ZFR2: variants seen among roughly 807,000 people sequenced by gnomAD.
ZFR2 encodes the protein zinc finger RNA binding protein 2.
ZFR2 carries 104 observed loss-of-function variants against 105.7 expected under a neutral mutation model. The ratio of observed to expected loss-of-function variants is 0.98; its 90% CI spans 0.84 to 1.16. The LOEUF (loss-of-function observed/expected upper bound fraction) is 1.16. Ranked by LOEUF, ZFR2 falls within the 50% of genes most tolerant of loss-of-function variation. The pLI, the probability that ZFR2 is intolerant of heterozygous loss-of-function variation, is 0.00. For missense variants in ZFR2, 1,425 were observed against 1,355.5 expected (o/e 1.05, Z -0.80); for synonymous variants, 634 against 597.7 (o/e 1.06, Z -0.89).
chr19:3,827,787 C>A, intron 5 of ZFR2, 134 bp from the exon 6 acceptor site: 1 of 958,788 alleles, frequency 1.0e-6, no homozygotes, highest in Non-Finnish European at 1.5e-6. Context: ...CCTCCATTCC[C>A]TGGTGCCATG....
In ZFR2 at chr19:3,813,415, T is replaced by C. The variant is rs1229686538; in HGVS notation, c.2242+405A>G. ...CATTCCTAATCAGTGGCACTGGGACTGTGGTGACTGATGGACAGAGTCAAA... is the reference window on the plus strand; with the variant it reads ...CATTCCTAATCAGTGGCACTGGGACCGTGGTGACTGATGGACAGAGTCAAA... On this transcript the variant is annotated intron_variant, in intron 14 of 18. Coordinates refer to ENST00000262961, the MANE Select transcript of ZFR2 (RefSeq NM_015174.2). This position sits in a 1 kb window ranked among gnomAD's most constrained non-coding sequence, Gnocchi z 4.4. Among the ~76,000 whole-genome samples the C allele has an allele frequency of 6.6e-6, 1 of 152,112 alleles. No individual in the cohort carries two copies. The highest frequency in any genetic ancestry group is 1.5e-5 in the Non-Finnish European group (1 of 68,006).
At position 3,862,426 on chromosome 19, in the gene ZFR2, T is replaced by C. The variant is rs1249194159; in HGVS notation, c.53+6539A>G. 2.6e-5 allele frequency among the ~76,000 whole-genome samples: 4 copies of C among 151,986 alleles called. No individual in the cohort carries two copies. In the East Asian group the frequency reaches 7.7e-4, roughly 29 times the overall value. ...GATTCTCCTGCCTCAGCCTCCCGAG[T>C]AGCTGGGACCACAGGCACGTGCCAC... On this transcript the variant is annotated intron_variant, in intron 1 of 18. Transcript: ENST00000262961.
At chr19:3,825,701 C>A (rs1328973090) in intron 6 of ZFR2, among the ~76,000 whole-genome samples, 1 of 152,186 alleles carries the variant, frequency 6.6e-6, no homozygotes, top group Non-Finnish European at 1.5e-5. Context: ...TCCTCCTCCA[C>A]CACGTGGGCT....
In ZFR2 at chr19:3,825,298, G is replaced by A. The variant is rs750191193; in HGVS notation, c.1145C>T (p.Pro382Leu). 8.2e-6 allele frequency: 13 copies of A among 1,577,566 alleles called. No homozygotes were observed. Among genetic ancestry groups the A allele is most frequent in the Middle Eastern group, 2.0e-4 (1 of 5,060 alleles). Residue 382 changes from proline to leucine, a missense_variant, in exon 7 of 19, where the codon CCC (proline) becomes CTC (leucine). Physicochemically the swap from Pro to Leu is moderately conservative, Grantham distance 98. Transcript: ENST00000262961. ...TGGCCTGCTCGAGGCACACACGCTG[G>A]GGCCAGTGGGGGACGTGGGCTTGGC... is the stretch of plus-strand genomic sequence containing the variant. Reference protein sequence around the residue: ...AEAKPTSPTGPSVCASSRPAL... With the variant: ...AEAKPTSPTGLSVCASSRPAL...
At chr19:3,840,643 G>A (rs965966843) in intron 1 of ZFR2, among the ~76,000 whole-genome samples, 3 of 152,102 alleles carry the variant, frequency 2.0e-5, no homozygotes, top group Non-Finnish European at 4.4e-5. Flanking sequence ...TGATCCTCCT[G>A]CCTCAGCTTC....
chr19:3,818,946 G>A, intron 12 of ZFR2, 99 bp downstream of exon 12: 1 of 1,433,802 alleles, frequency 7.0e-7, no homozygotes, highest in Admixed American at 2.5e-5. Flanking sequence ...GACGGCTCCA[G>A]GCCCATCAGA....
intron 9 of ZFR2, 67 bp downstream of exon 9, chr19:3,822,014 C>T: frequency 6.6e-7 from 1 of 1,518,756 alleles, no homozygotes; most frequent in Non-Finnish European, 8.9e-7. Flanking sequence ...CGACCACAGG[C>T]CTCCCAGCGC....
At chr19:3,852,474 A>G in intron 1 of ZFR2, 1 of 718,530 alleles carries the variant, frequency 1.4e-6, no homozygotes, top group Non-Finnish European at 2.6e-6. Flanking sequence ...AGGGTCCCAT[A>G]AGATGGAGCA....
rs537467717 is a variant in ZFR2 at position 3,833,437 on chromosome 19, G to A, written c.379+227C>T. 93 of 393,750 alleles carry A rather than the reference G, an allele frequency of 2.4e-4. 2 individuals carry two copies. In the East Asian group the frequency reaches 2.4e-3, roughly 10 times the overall value. The allele number at this position is 393,750 out of a possible 1,614,324, so 24.4% of individuals were successfully genotyped here. A position where few individuals can be genotyped will look rare whatever the true frequency, so the allele number is the denominator to read the frequency against. ...TAAAAATACAAAAAATTAGCCGGGC[G>A]TGGTTGCAGGCACTTGTAGTCCCAG... On this transcript the variant is annotated intron_variant, in intron 3 of 18. Coordinates refer to ENST00000262961, the MANE Select transcript of ZFR2 (RefSeq NM_015174.2).
rs1568417971 is a variant in ZFR2, at chr19:3,813,464, G to A, written c.2242+356C>T. ...AACTGAGCTTCTGCCGTGACCCAGG[G>A]GAAATGGCTCAGACCTGTCCTTTGC... On this transcript the variant is annotated intron_variant, in intron 14 of 18. Coordinates refer to ENST00000262961, the MANE Select transcript of ZFR2 (RefSeq NM_015174.2). This position sits in a 1 kb window ranked among gnomAD's most constrained non-coding sequence, Gnocchi z 4.4. Among the ~76,000 whole-genome samples, 1 of 152,178 alleles carries A rather than the reference G, an allele frequency of 6.6e-6. No individual in the cohort carries two copies. The highest frequency in any genetic ancestry group is 1.5e-5 in the Non-Finnish European group (1 of 68,022).
Position 3,833,789 on chromosome 19 carries a change from G to GGCCCCGACCCTGCAGATGGC in ZFR2, c.265-12_265-11insGCCATCTGCAGGGTCGGGGC. 1 of 1,560,372 alleles carries GGCCCCGACCCTGCAGATGGC rather than the reference G, an allele frequency of 6.4e-7. No homozygotes were observed. On this transcript the variant is annotated splice_polypyrimidine_tract_variant and intron_variant, in intron 2 of 18. Coordinates refer to ENST00000262961, the MANE Select transcript of ZFR2 (RefSeq NM_015174.2). ...GTAGCTGTAACTGTCCTATGTGGGG[G>GGCCCCGACCCTGCAGATGGC]TTTCGGCAGGAGAGAGACAGAGAAC...
At chr19:3,827,721 GGCCCCCGGCTTA>G in intron 5 of ZFR2, 68 bp from the exon 6 acceptor site, 1 of 1,529,602 alleles carries the variant, frequency 6.5e-7, no homozygotes, top group South Asian at 1.2e-5. Context: ...CTCCCCTGCA[GGCCCCCGGCTTA>G]GCGCGAGGGA....
In ZFR2 at chr19:3,834,676, C is replaced by G; in HGVS notation, c.264+97G>C. The stretch of plus-strand genomic sequence containing the variant: ...CGAAGGAAGGATCACGGTTAAGAGG[C>G]CTGGGAGAAGGAGTAGCTGTGGGAA... On this transcript the variant is annotated intron_variant, in intron 2 of 18. Transcript: ENST00000262961. This position sits in a 1 kb window ranked among gnomAD's most constrained non-coding sequence, Gnocchi z 5.3. The G allele has an allele frequency of 7.8e-7, 1 of 1,283,142 alleles. No individual in the cohort carries two copies. Among genetic ancestry groups the G allele is most frequent in the Non-Finnish European group, 1.1e-6 (1 of 911,266 alleles). 79.5% of individuals were successfully genotyped at this position (1,283,142 alleles called of 1,614,324 possible).
Position 3,807,216 on chromosome 19 carries a change from G to A in ZFR2, c.2599C>T (p.Pro867Ser), listed in dbSNP as rs376542902. The A allele has an allele frequency of 1.9e-6, 3 of 1,560,438 alleles. No homozygotes were observed. Among genetic ancestry groups the A allele is most frequent in the African/African-American group, 2.7e-5 (2 of 73,538 alleles). Residue 867 changes from proline (P) to serine (S), a missense_variant, in exon 18 of 19, where the codon CCC becomes TCC. By Grantham distance (74) the Pro-to-Ser change is moderately conservative. Transcript: ENST00000262961. The stretch of plus-strand genomic sequence containing the variant: ...TCTTCCCGCTCTTGGAGGGTCATGG[G>A]CTCGAGGGCATCTGTCTGGTCTCTC... ...CERDQTDALE[P>S]MTLQEREDVT... is the part of the protein sequence containing the mutation.
At chr19:3,837,346 CCGATGAACACCATGACCATGACACT>C (rs1342885476) in intron 1 of ZFR2, among the ~76,000 whole-genome samples, 1 of 151,954 alleles carries the variant, frequency 6.6e-6, no homozygotes, top group African/African-American at 2.4e-5. Flanking sequence ...ACACAGACAC[CCGATGAACACCATGACCATGACACT>C]CGATGAACAC....
chr19:3,849,062 G>A (rs2038210553), intron 1 of ZFR2, among the ~76,000 whole-genome samples: 1 of 152,222 alleles, frequency 6.6e-6, no homozygotes, highest in African/African-American at 2.4e-5. Context: ...GTACTAGATA[G>A]TAAATCGTGA....
At chr19:3,816,157 T>G (rs1368170087) in intron 13 of ZFR2, among the ~76,000 whole-genome samples, 1 of 151,610 alleles carries the variant, frequency 6.6e-6, no homozygotes. Context: ...TGCCTCAGCC[T>G]CTCAAAGTGC....
At chr19:3,811,945 A>G (rs117595714) in intron 14 of ZFR2, among the ~76,000 whole-genome samples, 5,526 of 146,278 alleles carry the variant, frequency 0.038, 170 homozygotes, top group Non-Finnish European at 0.057. Flanking sequence ...TTATTTATTT[A>G]TTTGTTTGTT....
intron 1 of ZFR2, among the ~76,000 whole-genome samples, chr19:3,851,023 A>G (rs2038232780): frequency 6.6e-6 from 1 of 150,954 alleles, no homozygotes; most frequent in South Asian, 2.1e-4. Flanking sequence ...ACCAGAAACC[A>G]CCCCCTGCTG....
Sources: allele counts gnomAD v4.1 joint callset (sites outside exome capture counted in the v4.1 genomes callset), GRCh38; gene constraint gnomAD v4.1.1; non-coding constraint Gnocchi (gnomAD v3.1); transcripts MANE v1.5; gene names NCBI Gene and HGNC (gene_info 2026-07-23, HGNC 2026-07-21).